PAPPA2: variants seen among roughly 807,000 people sequenced by gnomAD.
PAPPA2 encodes pappalysin-2.
A neutral mutation model predicts 176.4 loss-of-function variants in PAPPA2; 86 were observed. That is an observed-to-expected ratio of 0.49 (90% CI 0.41 to 0.58). The LOEUF (loss-of-function observed/expected upper bound fraction) is 0.58. PAPPA2 is among the 20% of genes least tolerant of loss of function. The probability of loss-of-function intolerance (pLI) is 0.00; values close to 1 mark genes in which losing one functional copy is unlikely to be tolerated. For synonymous variants in PAPPA2, 809 were observed against 852.2 expected (o/e 0.95, Z 0.88); for missense variants, 2,073 against 2,256.9 (o/e 0.92, Z 1.65).
chr1:176,649,018 T>C (rs1054831792), intron 3 of PAPPA2, among the ~76,000 whole-genome samples: 2 of 151,584 alleles, frequency 1.3e-5, no homozygotes, highest in Non-Finnish European at 3.0e-5. Context: ...TTGGTATTAG[T>C]TCTTTAAATA....
intron 12 of PAPPA2, among the ~76,000 whole-genome samples, chr1:176,736,183 A>G (rs1038647647): frequency 6.6e-6 from 1 of 152,018 alleles, no homozygotes; most frequent in African/African-American, 2.4e-5. Context: ...ATTTGGAGTG[A>G]TCAGAAGAGT....
chr1:176,686,488 A>C (rs773775327), intron 4 of PAPPA2, among the ~76,000 whole-genome samples: 3 of 152,128 alleles, frequency 2.0e-5, no homozygotes, highest in Non-Finnish European at 4.4e-5. Context: ...TACAATTCAA[A>C]ATGAGATTTG....
chr1:176,784,956 A>G (rs1242311262), intron 17 of PAPPA2, among the ~76,000 whole-genome samples: 1 of 152,098 alleles, frequency 6.6e-6, no homozygotes, highest in African/African-American at 2.4e-5. Context: ...TTGTTTTCTC[A>G]TGAGGGCATT....
chr1:176,770,781 G>A (rs1434654620), intron 16 of PAPPA2, among the ~76,000 whole-genome samples, 186 bp from the exon 17 acceptor site: 7 of 152,180 alleles, frequency 4.6e-5, no homozygotes, highest in Admixed American at 4.6e-4. Flanking sequence ...CATCACACTG[G>A]ATGCTCTGTA....
intron 21 of PAPPA2, among the ~76,000 whole-genome samples, chr1:176,804,293 T>A (rs1665802046): frequency 6.6e-6 from 1 of 152,130 alleles, no homozygotes; most frequent in Non-Finnish European, 1.5e-5. Context: ...TCTAAGCCAG[T>A]GATTCTCAGC....
chr1:176,767,168 A>G (rs1366010753), intron 15 of PAPPA2, among the ~76,000 whole-genome samples: 1 of 152,254 alleles, frequency 6.6e-6, no homozygotes, highest in Admixed American at 6.5e-5. Context: ...CAGAAAAGAA[A>G]TAAAAAGAAT....
chr1:176,537,631 T>C (rs1430476624), intron 1 of PAPPA2, among the ~76,000 whole-genome samples: 1 of 152,074 alleles, frequency 6.6e-6, no homozygotes, highest in Non-Finnish European at 1.5e-5. Flanking sequence ...TTTTCCTTCT[T>C]TGTTGAGCAG....
chr1:176,551,149 A>G (rs768473469), intron 1 of PAPPA2, among the ~76,000 whole-genome samples: 1 of 152,214 alleles, frequency 6.6e-6, no homozygotes, highest in Non-Finnish European at 1.5e-5. Flanking sequence ...CCCGAAAGAT[A>G]GAGCCCGACT....
chr1:176,484,791 A>C (rs1258438015), intron 1 of PAPPA2, among the ~76,000 whole-genome samples: 1 of 152,182 alleles, frequency 6.6e-6, no homozygotes, highest in Non-Finnish European at 1.5e-5. Context: ...TAGCTTATTA[A>C]TCATAATTGT....
chr1:176,619,834 A>G (rs1339764479), intron 3 of PAPPA2, among the ~76,000 whole-genome samples: 6 of 152,048 alleles, frequency 3.9e-5, no homozygotes, highest in Non-Finnish European at 7.4e-5. Flanking sequence ...GAAATTGAGT[A>G]AAGGGACCAG....
At chr1:176,770,342 A>G (rs1226091483) in intron 16 of PAPPA2, among the ~76,000 whole-genome samples, 2 of 152,186 alleles carry the variant, frequency 1.3e-5, no homozygotes, top group Non-Finnish European at 2.9e-5. Context: ...GTTATGGTGA[A>G]TAGTCCATGG....
At chr1:176,536,819 A>G (rs962579557) in intron 1 of PAPPA2, among the ~76,000 whole-genome samples, 3 of 152,218 alleles carry the variant, frequency 2.0e-5, no homozygotes, top group Non-Finnish European at 4.4e-5. Context: ...GAAAGAGTAA[A>G]GAATTGGAAC....
chr1:176,840,167 C>T lies in PAPPA2; in HGVS notation c.5203-6C>T, dbSNP rs1052297731. ...ACTGAGATGTTGCCTTCTAACCTCC[C>T]TACAGCCCTTCCAAGCAGATGGTTG... On this transcript the variant is annotated splice_polypyrimidine_tract_variant and splice_region_variant and intron_variant, in intron 21 of 22. Transcript: ENST00000367662. 2 of 1,611,248 alleles carry T rather than the reference C, an allele frequency of 1.2e-6. No homozygotes were observed. The highest frequency in any genetic ancestry group is 1.3e-5 in the African/African-American group (1 of 74,910).
At chr1:176,634,810 A>ATAGG (rs1656573285) in intron 3 of PAPPA2, among the ~76,000 whole-genome samples, 1 of 134,174 alleles carries the variant, frequency 7.5e-6, no homozygotes, top group African/African-American at 2.9e-5. Flanking sequence ...AGATAGATAG[A>ATAGG]TAGATAGATA....
In PAPPA2 at chr1:176,642,771, C is replaced by A. The variant is rs570153776; in HGVS notation, c.1992-28199C>A. ...AATATGGAGGAGAAAGGATCACTGT[C>A]AAGTTTCTACTTAGGGTAAAAAAGA... On this transcript the variant is annotated intron_variant, in intron 3 of 22. Coordinates refer to ENST00000367662, the MANE Select transcript of PAPPA2 (RefSeq NM_020318.3). Among the ~76,000 whole-genome samples the A allele has an allele frequency of 5.9e-5, 9 of 152,014 alleles. No homozygotes were observed. In the South Asian group the frequency reaches 1.9e-3, roughly 32 times the overall value.
At chr1:176,645,657 A>G (rs1205514456) in intron 3 of PAPPA2, among the ~76,000 whole-genome samples, 1 of 151,652 alleles carries the variant, frequency 6.6e-6, no homozygotes, top group Non-Finnish European at 1.5e-5. Context: ...ATCTTTTTGA[A>G]GGACATTCGT....
At position 176,786,326 on chromosome 1, in the gene PAPPA2, T is replaced by C. The variant is rs541002701; in HGVS notation, c.4716-3483T>C. 5.3e-5 allele frequency among the ~76,000 whole-genome samples: 8 copies of C among 152,144 alleles called. 1 individual carries two copies. The highest frequency in any genetic ancestry group is 1.4e-4 in the African/African-American group (6 of 41,496). ...ACCAGGCAAAACTCCTCTATGCTGA[T>C]GAAAGTCAGAAGTGTCTGGTGTTGC... On this transcript the variant is annotated intron_variant, in intron 17 of 22. Transcript: ENST00000367662.
At chr1:176,600,756 G>A (rs1654273865) in intron 3 of PAPPA2, among the ~76,000 whole-genome samples, 3 of 151,320 alleles carry the variant, frequency 2.0e-5, no homozygotes, top group Non-Finnish European at 2.9e-5. Context: ...ACTCAACTTT[G>A]AGAAATGCTT....
At chr1:176,608,610 C>G (rs895225101) in intron 3 of PAPPA2, among the ~76,000 whole-genome samples, 1 of 152,070 alleles carries the variant, frequency 6.6e-6, no homozygotes, top group Admixed American at 6.5e-5. Flanking sequence ...ATTTTTGGTA[C>G]TCTGTTTTAT....
Sources: allele counts gnomAD v4.1 joint callset (sites outside exome capture counted in the v4.1 genomes callset), GRCh38; gene constraint gnomAD v4.1.1; transcripts MANE v1.5; gene names NCBI Gene and HGNC (gene_info 2026-07-23, HGNC 2026-07-21).